The following SLC44A5 variants were observed in gnomAD, a reference collection of about 807,000 sequenced individuals.
The protein encoded by SLC44A5 is choline transporter-like protein 5.
In SLC44A5, 57 loss-of-function variants were observed where a neutral mutation model predicts 101.8. The observed-to-expected ratio is 0.56, with a 90% CI of 0.45 to 0.70. The LOEUF is 0.70. Ranked by LOEUF, SLC44A5 falls within the 30% of genes least tolerant of loss-of-function variation. SLC44A5 has a pLI of 0.00. For missense variants in SLC44A5, 737 were observed against 853.1 expected, an observed-to-expected ratio of 0.86 and a Z score of 1.70; for synonymous variants, 281 against 290.9, an observed-to-expected ratio of 0.97 and a Z score of 0.35.
intron 1 of SLC44A5, among the ~76,000 whole-genome samples, chr1:75,602,814 G>T (rs182278874): frequency 1.3e-5 from 2 of 151,940 alleles, no homozygotes; most frequent in Non-Finnish European, 2.9e-5. Flanking sequence ...TACCTTTTTT[G>T]TTAAATTTTA....
the SLC44A5 span, among the ~76,000 whole-genome samples, chr1:75,649,968 T>A: frequency 6.6e-6 from 1 of 152,204 alleles, no homozygotes; most frequent in East Asian, 1.9e-4. Flanking sequence ...CTTACTTGTT[T>A]AAGCCTGATT....
intron 2 of SLC44A5, among the ~76,000 whole-genome samples, chr1:75,523,813 G>A (rs1183699636): frequency 6.6e-6 from 1 of 152,170 alleles, no homozygotes; most frequent in Non-Finnish European, 1.5e-5. Flanking sequence ...CAATGCTACT[G>A]GCATCTAAGA....
chr1:75,332,883 G>A (rs1431685584), intron 4 of SLC44A5, among the ~76,000 whole-genome samples: 1 of 152,156 alleles, frequency 6.6e-6, no homozygotes, highest in African/African-American at 2.4e-5. Flanking sequence ...TTGTTATCAA[G>A]TAGACATCTC....
At chr1:75,350,152 T>A (rs1658537659) in intron 3 of SLC44A5, among the ~76,000 whole-genome samples, 2 of 151,952 alleles carry the variant, frequency 1.3e-5, no homozygotes, top group South Asian at 4.1e-4. Flanking sequence ...TAGGTTTAGA[T>A]AGAATCATGA....
intron 1 of SLC44A5, among the ~76,000 whole-genome samples, chr1:75,599,570 A>T (rs562874457): frequency 2.6e-5 from 4 of 152,318 alleles, no homozygotes; most frequent in African/African-American, 9.6e-5. Context: ...GGTATATGAA[A>T]GATGTTATGG....
chr1:75,439,886 C>T (rs956155850), intron 2 of SLC44A5, among the ~76,000 whole-genome samples: 1 of 151,932 alleles, frequency 6.6e-6, no homozygotes, highest in Non-Finnish European at 1.5e-5. Flanking sequence ...CTAAGACACA[C>T]TATAATAAAA....
chr1:75,241,085 G>C (rs1458390905), intron 9 of SLC44A5, among the ~76,000 whole-genome samples: 1 of 6,316 alleles, frequency 1.6e-4, no homozygotes, highest in South Asian at 0.016. Context: ...AAATATTCTC[G>C]GTCTTGGATA....
At chr1:75,659,368 G>T in the SLC44A5 span, among the ~76,000 whole-genome samples, 2 of 135,744 alleles carry the variant, frequency 1.5e-5, no homozygotes, top group South Asian at 5.1e-4. Context: ...AAGAAGGAAA[G>T]AAAGAAAGAA....
chr1:75,451,262 C>A (rs1255741774), intron 2 of SLC44A5, among the ~76,000 whole-genome samples: 1 of 152,120 alleles, frequency 6.6e-6, no homozygotes, highest in Non-Finnish European at 1.5e-5. Flanking sequence ...TTATCTGAGG[C>A]AACAAAGAGC....
At chr1:75,271,663 T>G (rs1651490227) in intron 6 of SLC44A5, among the ~76,000 whole-genome samples, 1 of 152,134 alleles carries the variant, frequency 6.6e-6, no homozygotes, top group South Asian at 2.1e-4. Flanking sequence ...TTTTTATGGC[T>G]GAGTAGTATT....
At chr1:75,604,879 C>T (rs919595680) in intron 1 of SLC44A5, among the ~76,000 whole-genome samples, 1 of 151,954 alleles carries the variant, frequency 6.6e-6, no homozygotes, top group Admixed American at 6.6e-5. Flanking sequence ...TATCCTGACA[C>T]TTTACTGAAG....
intron 5 of SLC44A5, among the ~76,000 whole-genome samples, chr1:75,295,353 T>C (rs1653885491): frequency 6.6e-6 from 1 of 152,352 alleles, no homozygotes; most frequent in African/African-American, 2.4e-5. Context: ...AAATATGCTT[T>C]CTTCCTTCCT....
chr1:75,498,838 T>C (rs1668802194), intron 2 of SLC44A5, among the ~76,000 whole-genome samples: 1 of 152,226 alleles, frequency 6.6e-6, no homozygotes, highest in Admixed American at 6.5e-5. Context: ...TTGTATGCAA[T>C]ATATTGAAAG....
At chr1:75,588,849 A>C (rs1456615715) in intron 1 of SLC44A5, among the ~76,000 whole-genome samples, 1 of 152,216 alleles carries the variant, frequency 6.6e-6, no homozygotes, top group East Asian at 1.9e-4. Flanking sequence ...ACTGTGAACA[A>C]GGCATGAAAT....
At chr1:75,376,074 A>G (rs1464286507) in intron 3 of SLC44A5, among the ~76,000 whole-genome samples, 1 of 152,192 alleles carries the variant, frequency 6.6e-6, no homozygotes, top group Non-Finnish European at 1.5e-5. Context: ...GAAAGGGGTG[A>G]CGGACGCACC....
intron 12 of SLC44A5, among the ~76,000 whole-genome samples, chr1:75,231,437 A>G (rs1354242012): frequency 1.3e-5 from 2 of 152,150 alleles, no homozygotes; most frequent in African/African-American, 4.8e-5. Context: ...CAGACAGTTT[A>G]CTTTCCTCCT....
In SLC44A5 at chr1:75,211,476, A is replaced by C; in HGVS notation, c.2039T>G (p.Ile680Ser). ...ACATACTGAATACTCACAGAAGCAG[A>C]TGAAAATTGTTTCAACACACATTGC... ...VYAMCVETIFICFLEDLERND... is the reference protein window; with the variant it reads ...VYAMCVETIFSCFLEDLERND... The change falls in exon 23 of 24, where the codon ATC (isoleucine) becomes AGC (serine). Residue 680 changes from isoleucine (I) to serine (S), a missense_variant. By Grantham distance (142) the Ile-to-Ser change is moderately radical. Transcript: ENST00000370859. The C allele has an allele frequency of 6.2e-7, 1 of 1,611,956 alleles. No homozygotes were observed. The highest frequency in any genetic ancestry group is 8.5e-7 in the Non-Finnish European group (1 of 1,178,530).
intron 2 of SLC44A5, among the ~76,000 whole-genome samples, chr1:75,484,133 C>T (rs1050482134): frequency 6.6e-6 from 1 of 152,212 alleles, no homozygotes; most frequent in African/African-American, 2.4e-5. Context: ...GTCCTTTTCA[C>T]ATTTCAATAT....
chr1:75,400,729 A>G (rs1454927865), intron 2 of SLC44A5, among the ~76,000 whole-genome samples: 3 of 152,134 alleles, frequency 2.0e-5, no homozygotes, highest in Admixed American at 6.5e-5. Context: ...CTTTGGCCTG[A>G]GGTCCTACCT....
Sources: gnomAD v4.1 joint callset for allele counts (sites outside exome capture counted in the v4.1 genomes callset) on GRCh38, gnomAD v4.1.1 for gene constraint, MANE v1.5 for transcripts, NCBI Gene and HGNC (gene_info 2026-07-23, HGNC 2026-07-21) for gene names.